ERC2: variants seen among roughly 807,000 people sequenced by gnomAD.
The protein encoded by ERC2 is ELKS/RAB6-interacting/CAST family member 2, also known as ERC protein 2.
In ERC2, 42 loss-of-function variants were observed where a neutral mutation model predicts 114.8. The ratio of observed to expected loss-of-function variants is 0.37; its 90% CI spans 0.29 to 0.47. The LOEUF is 0.47. Among genes scored for constraint, ERC2 ranks in the 20% least tolerant of loss-of-function variants. The probability of loss-of-function intolerance (pLI) is 0.99; values close to 1 mark genes in which losing one functional copy is unlikely to be tolerated. For synonymous variants in ERC2, 454 were observed against 425.5 expected (o/e 1.07, Z -0.82); for missense variants, 939 against 1,150.7 (o/e 0.82, Z 2.66).
chr3:55,687,561 C>T (rs1016846172), intron 16 of ERC2, among the ~76,000 whole-genome samples: 9 of 152,166 alleles, frequency 5.9e-5, no homozygotes, highest in East Asian at 5.8e-4. Context: ...AACTCAGCCA[C>T]GGTCTCTGCC....
intron 17 of ERC2, among the ~76,000 whole-genome samples, chr3:55,653,035 C>T (rs1338139576): frequency 6.6e-6 from 1 of 152,068 alleles, no homozygotes; most frequent in South Asian, 2.1e-4. Flanking sequence ...TTTCAGAAGT[C>T]TCACACTCAT....
chr3:56,115,032 T>C (rs1575474977), intron 6 of ERC2, among the ~76,000 whole-genome samples: 1 of 152,072 alleles, frequency 6.6e-6, no homozygotes, highest in Admixed American at 6.6e-5. Flanking sequence ...AAACCTAAGA[T>C]TGGTGTTTAA....
chr3:56,269,112 G>A (rs962672078), intron 3 of ERC2, among the ~76,000 whole-genome samples: 23 of 152,116 alleles, frequency 1.5e-4, no homozygotes, highest in Non-Finnish European at 2.4e-4. Flanking sequence ...TTTGGCTAAC[G>A]TTATAAACAT....
At chr3:56,291,431 T>G (rs912336971) in intron 3 of ERC2, among the ~76,000 whole-genome samples, 1 of 152,168 alleles carries the variant, frequency 6.6e-6, no homozygotes, top group African/African-American at 2.4e-5. Context: ...AGAAGTGGTT[T>G]CACACTCAGC....
At chr3:55,975,203 C>T (rs997980067) in intron 12 of ERC2, among the ~76,000 whole-genome samples, 3 of 150,078 alleles carry the variant, frequency 2.0e-5, no homozygotes, top group East Asian at 2.0e-4. Context: ...AAAAAAAAAA[C>T]ATGAATTAAA....
chr3:55,914,566 G>A (rs752065218), intron 13 of ERC2, among the ~76,000 whole-genome samples: 5 of 152,052 alleles, frequency 3.3e-5, no homozygotes, highest in Non-Finnish European at 5.9e-5. Flanking sequence ...GAAAGCCATC[G>A]CCCTACTACT....
chr3:56,093,145 A>G (rs2077884249), intron 6 of ERC2, among the ~76,000 whole-genome samples: 1 of 151,840 alleles, frequency 6.6e-6, no homozygotes. Flanking sequence ...CTCCTGGAGG[A>G]TGGGGACTTG....
intron 2 of ERC2, among the ~76,000 whole-genome samples, chr3:56,317,254 G>A (rs1024198753): frequency 8.3e-4 from 126 of 152,278 alleles, no homozygotes; most frequent in Middle Eastern, 3.4e-3. Flanking sequence ...AGATATTCCA[G>A]GCAGAGTGAA....
intron 15 of ERC2, among the ~76,000 whole-genome samples, chr3:55,701,198 A>C (rs864623): frequency 0.19 from 28,538 of 152,194 alleles, 3,022 homozygotes; most frequent in Non-Finnish European, 0.25. Flanking sequence ...TTCACATACA[A>C]TCTAACTTAT....
intron 17 of ERC2, among the ~76,000 whole-genome samples, chr3:55,536,993 A>C (rs1341518864): frequency 6.6e-6 from 1 of 152,246 alleles, no homozygotes; most frequent in Non-Finnish European, 1.5e-5. Flanking sequence ...AGGGCAAAAG[A>C]AAAGCGTCTA....
At chr3:55,629,764 G>T (rs2059667760) in intron 17 of ERC2, among the ~76,000 whole-genome samples, 1 of 152,184 alleles carries the variant, frequency 6.6e-6, no homozygotes, top group Admixed American at 6.5e-5. Flanking sequence ...AATTCATATG[G>T]TGACAAGTAT....
At chr3:56,080,785 C>A in intron 7 of ERC2, 32 bp downstream of exon 7, 1 of 1,598,754 alleles carries the variant, frequency 6.3e-7, no homozygotes, top group African/African-American at 1.3e-5. Flanking sequence ...ATGGATGATA[C>A]CCCACTTGAA....
intron 14 of ERC2, among the ~76,000 whole-genome samples, chr3:55,812,357 G>T (rs7649752): frequency 6.6e-6 from 1 of 152,044 alleles, no homozygotes. Context: ...AGTATTCTGA[G>T]GTTGGAAAAA....
At position 56,400,403 on chromosome 3, in the gene ERC2, C is replaced by CA. The variant is rs372887374; in HGVS notation, c.657+33947dup. ...TCCATAAAATTTTTCTAGTACATGC[C>CA]AAAAAATTAAACTAAAATCTGAGCA... On this transcript the variant is annotated intron_variant, in intron 2 of 17. Coordinates refer to ENST00000288221, the MANE Select transcript of ERC2 (RefSeq NM_015576.3). Among the ~76,000 whole-genome samples the CA allele has an allele frequency of 2.0e-3, 305 of 151,954 alleles. 2 individuals are homozygous for CA. Among genetic ancestry groups the CA allele is most frequent in the African/African-American group, 6.7e-3 (277 of 41,482 alleles).
chr3:55,950,479 T>C lies in ERC2; in HGVS notation c.2349A>G (p.Leu783=), dbSNP rs766899001. 3.1e-6 allele frequency: 5 copies of C among 1,614,060 alleles called. No homozygotes were observed. The highest frequency in any genetic ancestry group is 4.2e-6 in the Non-Finnish European group (5 of 1,179,894). ...QLEKKKNAQL[L]EEVRRREDSM... ...TGTCTTCTCGCCTGCGCACTTCTTCTAGTAACTGAGCATTTTTCTTCTTTT... is the reference window on the plus strand; with the variant it reads ...TGTCTTCTCGCCTGCGCACTTCTTCCAGTAACTGAGCATTTTTCTTCTTTT... The change falls in exon 13 of 18, where the codon CTA becomes CTG. Residue 783 remains leucine, a synonymous_variant. Coordinates refer to ENST00000288221, the MANE Select transcript of ERC2 (RefSeq NM_015576.3).
intron 3 of ERC2, among the ~76,000 whole-genome samples, chr3:56,238,799 T>C (rs1161951396): frequency 1.3e-5 from 2 of 152,208 alleles, no homozygotes; most frequent in Non-Finnish European, 2.9e-5. Context: ...CTCTACAAAA[T>C]CATTATATTT....
At chr3:56,447,448 G>A (rs536814864) in intron 1 of ERC2, among the ~76,000 whole-genome samples, 1 of 152,352 alleles carries the variant, frequency 6.6e-6, no homozygotes, top group African/African-American at 2.4e-5. Context: ...CGAGAAGTGG[G>A]GAAGGTTGGG....
intron 13 of ERC2, among the ~76,000 whole-genome samples, chr3:55,938,976 G>A (rs1034574012): frequency 7.9e-4 from 121 of 152,254 alleles, no homozygotes; most frequent in African/African-American, 2.9e-3. Flanking sequence ...ATTTGGATTT[G>A]GAGTATAGCA....
intron 2 of ERC2, among the ~76,000 whole-genome samples, chr3:56,419,857 GT>G (rs1262646889): frequency 1.3e-5 from 2 of 152,144 alleles, no homozygotes; most frequent in Non-Finnish European, 2.9e-5. Flanking sequence ...AGCTCTCAAA[GT>G]GTACATGGCT....
Sources: gnomAD v4.1 joint callset for allele counts (sites outside exome capture counted in the v4.1 genomes callset) on GRCh38, gnomAD v4.1.1 for gene constraint, MANE v1.5 for transcripts, NCBI Gene and HGNC (gene_info 2026-07-23, HGNC 2026-07-21) for gene names.